TRPC7: variants seen among roughly 807,000 people sequenced by gnomAD.
TRPC7 encodes the protein short transient receptor potential channel 7.
In TRPC7, 42 loss-of-function variants were observed where a neutral mutation model predicts 90.1. That is an observed-to-expected ratio of 0.47 (90% CI 0.36 to 0.60). The LOEUF is 0.60. Among genes scored for constraint, TRPC7 ranks in the 20% least tolerant of loss-of-function variants. The pLI is 0.00. For missense variants in TRPC7, 955 were observed against 1,112.3 expected (o/e 0.86, Z 2.01); for synonymous variants, 451 against 436.3 (o/e 1.03, Z -0.42).
At position 136,361,499 on chromosome 5, in the gene TRPC7, G is replaced by C. The variant is rs115054177; in HGVS notation, c.2+3754C>G. Among the ~76,000 whole-genome samples, 636 of 152,250 alleles carry C rather than the reference G, an allele frequency of 4.2e-3. 5 individuals carry two copies. Among genetic ancestry groups the C allele is most frequent in the African/African-American group, 0.015 (608 of 41,554 alleles). ...GCCAGATGTCATTGACCCATGAAAA[G>C]TATAAATCTTGTGCCCTAAGTCCAG... On this transcript the variant is annotated intron_variant, in intron 1 of 11. Transcript: ENST00000513104.
Position 136,271,583 on chromosome 5 carries a change from A to G in TRPC7, c.1128+3090T>C, listed in dbSNP as rs114827554. ...TTGTTGAGAGAATAAAGAACTCTTT[A>G]GGCAAACAGAGACCTAACTGCTGTG... On this transcript the variant is annotated intron_variant, in intron 4 of 11. Coordinates refer to ENST00000513104, the MANE Select transcript of TRPC7 (RefSeq NM_020389.3). Among the ~76,000 whole-genome samples, 702 of 152,368 alleles carry G rather than the reference A, an allele frequency of 4.6e-3. 5 individuals carry two copies. Among genetic ancestry groups the G allele is most frequent in the African/African-American group, 0.016 (673 of 41,588 alleles).
chr5:136,349,030 A>AT (rs1760101428), intron 2 of TRPC7, among the ~76,000 whole-genome samples: 1 of 151,994 alleles, frequency 6.6e-6, no homozygotes, highest in Non-Finnish European at 1.5e-5. Flanking sequence ...GTAGGAAATG[A>AT]TTTTTCTCAA....
At chr5:136,308,697 G>A (rs935520284) in intron 3 of TRPC7, among the ~76,000 whole-genome samples, 2 of 152,236 alleles carry the variant, frequency 1.3e-5, no homozygotes, top group African/African-American at 2.4e-5. Flanking sequence ...ATGTCAGCCA[G>A]TTGTGCAGCT....
At chr5:136,341,474 TACAC>T (rs72512515) in intron 2 of TRPC7, among the ~76,000 whole-genome samples, 5 of 150,970 alleles carry the variant, frequency 3.3e-5, no homozygotes, top group Non-Finnish European at 5.9e-5. Flanking sequence ...TACATATATA[TACAC>T]ACACACACAC....
At chr5:136,233,776 C>T (rs871385) in intron 7 of TRPC7, among the ~76,000 whole-genome samples, 67,671 of 152,030 alleles carry the variant, frequency 0.45, 15,051 homozygotes, top group South Asian at 0.5. Context: ...ATGAAGTGAG[C>T]GATTACAGAA....
Position 136,266,493 on chromosome 5 carries a change from T to G in TRPC7, c.1129-57A>C, listed in dbSNP as rs1757037707. On this transcript the variant is annotated intron_variant, in intron 4 of 11. Transcript: ENST00000513104. ...ACTGTCTCTAGGTGGATGTAGGTCT[T>G]TCTTTATAACATCGCTTTCACCAAA... 5 of 1,473,104 alleles carry G rather than the reference T, an allele frequency of 3.4e-6. No homozygotes were observed. In the Admixed American group the frequency reaches 7.8e-5, roughly 23 times the overall value. 91.3% of individuals were successfully genotyped at this position (1,473,104 alleles called of 1,614,324 possible).
At position 136,365,417 on chromosome 5, in the gene TRPC7, C is replaced by T; in HGVS notation, c.-163G>A. 2.8e-6 allele frequency: 2 copies of T among 711,134 alleles called. No individual in the cohort carries two copies. Among genetic ancestry groups the T allele is most frequent in the South Asian group, 3.3e-5 (2 of 59,996 alleles). The allele number at this position is 711,134 out of a possible 1,614,324, so 44.1% of individuals were successfully genotyped here. On this transcript the variant is annotated 5_prime_UTR_variant, in exon 1 of 12. Transcript: ENST00000513104. The stretch of plus-strand genomic sequence containing the variant: ...GAGTTAAGTTGCAACGATGTGAAAG[C>T]GCGCTCCTCTGTTCTTTGTGTTGCA...
At chr5:136,241,940 A>T (rs1756182172) in intron 7 of TRPC7, among the ~76,000 whole-genome samples, 1 of 152,144 alleles carries the variant, frequency 6.6e-6, no homozygotes, top group Non-Finnish European at 1.5e-5. Context: ...CTAACCCTGT[A>T]ACAAGAGTGC....
At chr5:136,326,162 G>A (rs906162723) in intron 2 of TRPC7, among the ~76,000 whole-genome samples, 5 of 152,172 alleles carry the variant, frequency 3.3e-5, no homozygotes, top group African/African-American at 1.2e-4. Flanking sequence ...CCCACCTTGT[G>A]GAGCGCTTTC....
At chr5:136,353,173 G>A (rs1760255864) in intron 2 of TRPC7, among the ~76,000 whole-genome samples, 1 of 152,138 alleles carries the variant, frequency 6.6e-6, no homozygotes, top group African/African-American at 2.4e-5. Context: ...CAAAAATAAT[G>A]GCTTGCTAGC....
At chr5:136,274,633 G>C (rs1757303186) in intron 4 of TRPC7, 40 bp downstream of exon 4, 3 of 1,540,974 alleles carry the variant, frequency 1.9e-6, no homozygotes, top group Non-Finnish European at 2.6e-6. Context: ...GAAGAGAGAA[G>C]AAATAACCGC....
intron 3 of TRPC7, among the ~76,000 whole-genome samples, chr5:136,300,792 A>G (rs1223509025): frequency 6.6e-6 from 1 of 152,226 alleles, no homozygotes; most frequent in Non-Finnish European, 1.5e-5. Flanking sequence ...GAGAAGCATT[A>G]AAGCCTCCAG....
chr5:136,254,376 G>A (rs1300428717), intron 5 of TRPC7, among the ~76,000 whole-genome samples: 1 of 152,146 alleles, frequency 6.6e-6, no homozygotes, highest in Non-Finnish European at 1.5e-5. Context: ...AGGGACTACT[G>A]CGGCTGGTGA....
intron 2 of TRPC7, among the ~76,000 whole-genome samples, chr5:136,334,174 C>T (rs1405034098): frequency 6.6e-6 from 1 of 152,166 alleles, no homozygotes; most frequent in African/African-American, 2.4e-5. Context: ...TTGGCATCAT[C>T]AGATAACATG....
intron 2 of TRPC7, among the ~76,000 whole-genome samples, chr5:136,321,993 G>A (rs542954963): frequency 6.6e-6 from 1 of 152,100 alleles, no homozygotes; most frequent in Non-Finnish European, 1.5e-5. Context: ...TGAAGAAGAA[G>A]GCTGCTATAA....
chr5:136,250,834 A>T (rs762660783), intron 6 of TRPC7, among the ~76,000 whole-genome samples: 39 of 152,066 alleles, frequency 2.6e-4, no homozygotes, highest in Non-Finnish European at 5.0e-4. Flanking sequence ...GGTCTCTTCT[A>T]CTCCAAAGCT....
intron 2 of TRPC7, among the ~76,000 whole-genome samples, chr5:136,324,054 T>C (rs377368388): frequency 2.7e-4 from 41 of 152,290 alleles, no homozygotes; most frequent in African/African-American, 9.1e-4. Context: ...ATATCTAGTA[T>C]TTCATTTTTT....
intron 2 of TRPC7, among the ~76,000 whole-genome samples, chr5:136,319,182 G>A (rs1759115837): frequency 6.6e-6 from 1 of 152,048 alleles, no homozygotes; most frequent in Admixed American, 6.6e-5. Context: ...CCTCTCAGAT[G>A]AGGACCTTAT....
At chr5:136,349,051 T>C (rs939019193) in intron 2 of TRPC7, among the ~76,000 whole-genome samples, 1 of 152,184 alleles carries the variant, frequency 6.6e-6, no homozygotes, top group African/African-American at 2.4e-5. Context: ...TTTTTTTATG[T>C]GTAGTGATGA....
Sources: gnomAD v4.1 joint callset for allele counts (sites outside exome capture counted in the v4.1 genomes callset) on GRCh38, gnomAD v4.1.1 for gene constraint, MANE v1.5 for transcripts, NCBI Gene and HGNC (gene_info 2026-07-23, HGNC 2026-07-21) for gene names.